The following EP300 variants were observed in gnomAD, a reference collection of about 807,000 sequenced individuals.
EP300 encodes the protein EP300 lysine acetyltransferase, also known as histone acetyltransferase p300.
In EP300, 31 loss-of-function variants were observed where a neutral mutation model predicts 264.0. The ratio of observed to expected loss-of-function variants is 0.12; its 90% CI spans 0.09 to 0.16. EP300 has a LOEUF of 0.16. Among genes scored for constraint, EP300 ranks in the 10% least tolerant of loss-of-function variants. EP300 has a pLI of 1.00. For missense variants in EP300, 2,766 were observed against 3,052.9 expected, an observed-to-expected ratio of 0.91 and a Z score of 2.21; for synonymous variants, 1,340 against 1,045.4, an observed-to-expected ratio of 1.28 and a Z score of -5.44.
At chr22:41,094,599 C>T (rs982910924) in intron 1 of EP300, among the ~76,000 whole-genome samples, 6 of 152,136 alleles carry the variant, frequency 3.9e-5, no homozygotes, top group African/African-American at 1.2e-4. Flanking sequence ...AGAATTCATA[C>T]ACATACACAA....
At chr22:41,173,510 G>A in intron 28 of EP300, 113 bp from the exon 29 acceptor site, 1 of 1,116,584 alleles carries the variant, frequency 9.0e-7, no homozygotes, top group South Asian at 1.4e-5. Context: ...AGTAAAATAA[G>A]TTACAGGCAT....
At chr22:41,125,802 A>G in intron 2 of EP300, 62 bp from the exon 3 acceptor site, 4 of 1,536,092 alleles carry the variant, frequency 2.6e-6, no homozygotes, top group South Asian at 1.1e-5. Flanking sequence ...GAAATCAGAA[A>G]AGGAATAATA....
intron 23 of EP300, among the ~76,000 whole-genome samples, chr22:41,167,572 GTGTGTGTGTGTGTATATATATATA>G (rs1248306693): frequency 5.0e-4 from 48 of 95,480 alleles, no homozygotes; most frequent in African/African-American, 2.6e-3. Flanking sequence ...GTGTGTGTGT[GTGTGTGTGTGTGTATATATATATA>G]TATATATATA....
In EP300 at chr22:41,127,532, C is replaced by G. The variant is rs762647727; in HGVS notation, c.952C>G (p.Pro318Ala). Residue 318 changes from proline (P) to alanine (A), a missense_variant, in exon 4 of 31, where the codon CCA (proline) becomes GCA (alanine). Coordinates refer to ENST00000263253, the MANE Select transcript of EP300 (RefSeq NM_001429.4). The part of the protein sequence containing the change: ...PQVQQPGLVT[P>A]VAQGMGSGAH... ...GGTCCAGCAGCCAGGCCTGGTGACT[C>G]CAGTTGCCCAAGGGATGGGTTCTGG... 2.9e-5 allele frequency: 47 copies of G among 1,614,086 alleles called. No homozygotes were observed. The Middle Eastern group carries it at 1.3e-3, about 45-fold the overall frequency.
Position 41,176,270 on chromosome 22 carries a change from T to G in EP300, c.4803T>G (p.Ile1601Met). The G allele has an allele frequency of 6.2e-7, 1 of 1,614,158 alleles. No homozygotes were observed. Among genetic ancestry groups the G allele is most frequent in the Non-Finnish European group, 8.5e-7 (1 of 1,180,028 alleles). ...HKEVFFVIRL[I>M]AGPAANSLPP... Reference sequence around the variant, plus strand: ...AGGTCTTCTTTGTGATCCGCCTCATTGCTGGCCCTGCTGCCAACTCCCTGC... The same window carrying G: ...AGGTCTTCTTTGTGATCCGCCTCATGGCTGGCCCTGCTGCCAACTCCCTGC... The change falls in exon 30 of 31, where the codon ATT becomes ATG. Residue 1601 changes from isoleucine (I) to methionine (M), a missense_variant. Coordinates refer to ENST00000263253, the MANE Select transcript of EP300 (RefSeq NM_001429.4).
intron 2 of EP300, among the ~76,000 whole-genome samples, chr22:41,120,188 T>C (rs2058844563): frequency 6.6e-6 from 1 of 152,190 alleles, no homozygotes; most frequent in East Asian, 1.9e-4. Flanking sequence ...TTTAAATGTT[T>C]AATAAATTTA....
intron 28 of EP300, 53 bp from the exon 29 acceptor site, chr22:41,173,570 C>T (rs1390438855): frequency 6.3e-7 from 1 of 1,595,348 alleles, no homozygotes; most frequent in Non-Finnish European, 8.6e-7. Context: ...GTGCTATTCC[C>T]AAATTACTTA....
intron 19 of EP300, chr22:41,159,344 CTTTTTCTT>C (rs1266936901): frequency 6.6e-6 from 1 of 152,148 alleles, no homozygotes; most frequent in Non-Finnish European, 1.5e-5. Context: ...GTCACTTAAA[CTTTTTCTT>C]TTATTTACAA....
intron 16 of EP300, 86 bp from the exon 17 acceptor site, chr22:41,154,909 T>A: frequency 1.1e-6 from 1 of 902,528 alleles, no homozygotes; most frequent in South Asian, 1.3e-5. Flanking sequence ...ATTCTTGAGA[T>A]GCTTTTAGAG....
chr22:41,157,933 T>G (rs1325112685), intron 18 of EP300, among the ~76,000 whole-genome samples: 1 of 152,196 alleles, frequency 6.6e-6, no homozygotes, highest in African/African-American at 2.4e-5. Context: ...GTTGACTAAT[T>G]AAATAATCAA....
chr22:41,127,423 C>G, intron 3 of EP300, 64 bp from the exon 4 acceptor site: 1 of 1,594,998 alleles, frequency 6.3e-7, no homozygotes, highest in Non-Finnish European at 8.6e-7. Context: ...ATATCCACAT[C>G]TCTATTTATT....
chr22:41,121,308 T>G (rs934409426), intron 2 of EP300, among the ~76,000 whole-genome samples: 2 of 152,208 alleles, frequency 1.3e-5, no homozygotes, highest in Non-Finnish European at 2.9e-5. Context: ...GCATATTAGC[T>G]ATGGAGAAAG....
In EP300 at chr22:41,146,110, C is replaced by G. The variant is rs17002312; in HGVS notation, c.2054-629C>G. 9.8e-3 allele frequency among the ~76,000 whole-genome samples: 1,491 copies of G among 151,764 alleles called. 29 individuals are homozygous for G. The highest frequency in any genetic ancestry group is 0.034 in the African/African-American group (1,412 of 41,396). On this transcript the variant is annotated intron_variant, in intron 10 of 30. Transcript: ENST00000263253. ...TCCATGGAGATACTCTGTTGCATGC[C>G]AACCAGACTCAGACTTTGTTAAACA...
intron 5 of EP300, 115 bp from the exon 6 acceptor site, chr22:41,131,273 C>A: frequency 8.5e-7 from 1 of 1,172,718 alleles, no homozygotes; most frequent in Non-Finnish European, 1.3e-6. Flanking sequence ...GATCCACATA[C>A]TCAGATGTTT....
At chr22:41,116,478 C>T (rs1032356496) in intron 1 of EP300, among the ~76,000 whole-genome samples, 1 of 152,094 alleles carries the variant, frequency 6.6e-6, no homozygotes, top group Non-Finnish European at 1.5e-5. Flanking sequence ...TTTTCTTTTC[C>T]TATGTTTTCT....
rs2145737158 is a variant in EP300, at chr22:41,149,822, G to A, written c.2441G>A (p.Gly814Glu). Residue 814 changes from glycine (G) to glutamate (E), a missense_variant, in exon 14 of 31, where the codon GGG (glycine) becomes GAG (glutamate). Physicochemically the swap from Gly to Glu is moderately conservative, Grantham distance 98. Transcript: ENST00000263253. ...CCTATAATGCCTCCAGGGTCTCAGG[G>A]GAGCCACATTCACTGTCCCCAGCTT... is the stretch of plus-strand genomic sequence containing the variant. ...NSPIMPPGSQGSHIHCPQLPQ... is the reference protein window; with the variant it reads ...NSPIMPPGSQESHIHCPQLPQ... The A allele has an allele frequency of 6.2e-7, 1 of 1,613,900 alleles. No individual in the cohort carries two copies. Among genetic ancestry groups the A allele is most frequent in the Non-Finnish European group, 8.5e-7 (1 of 1,179,990 alleles).
chr22:41,158,566 G>T, intron 19 of EP300, 66 bp downstream of exon 19: 1 of 1,252,008 alleles, frequency 8.0e-7, no homozygotes. Context: ...ATGCGGATGG[G>T]CCAGCACACA....
In EP300 at chr22:41,179,227, A is replaced by C. The variant is rs1249007891; in HGVS notation, c.*271A>C. On this transcript the variant is annotated 3_prime_UTR_variant, in exon 31 of 31. Transcript: ENST00000263253. ...TGTGGTTCAAGTGTGCACTGGGAGG[A>C]GGCTGAGGCCTGTGAAGCCAAACAA... The C allele has an allele frequency of 2.1e-6, 1 of 470,562 alleles. No individual in the cohort carries two copies. The highest frequency in any genetic ancestry group is 1.9e-5 in the African/African-American group (1 of 51,900). 29.1% of individuals were successfully genotyped at this position (470,562 alleles called of 1,614,324 possible). A position where few individuals can be genotyped will look rare whatever the true frequency, so the allele number is the denominator to read the frequency against.
rs2059082713 is a variant in EP300, at chr22:41,157,276, T to C, written c.3369T>C (p.Leu1123=). Residue 1123 remains leucine (L), a synonymous_variant, in exon 18 of 31, where the codon CTT becomes CTC. Coordinates refer to ENST00000263253, the MANE Select transcript of EP300 (RefSeq NM_001429.4). Reference sequence around the variant, plus strand: ...GGCAGTATGTCGATGATATTTGGCTTATGTTCAATAATGCCTGGTTATATA... The same window carrying C: ...GGCAGTATGTCGATGATATTTGGCTCATGTTCAATAATGCCTGGTTATATA... ...EPWQYVDDIW[L]MFNNAWLYNR... The C allele has an allele frequency of 6.2e-7, 1 of 1,614,066 alleles. No individual in the cohort carries two copies. The highest frequency in any genetic ancestry group is 1.1e-5 in the South Asian group (1 of 91,086).
Sources: allele counts gnomAD v4.1 joint callset (sites outside exome capture counted in the v4.1 genomes callset), GRCh38; gene constraint gnomAD v4.1.1; transcripts MANE v1.5; gene names NCBI Gene and HGNC (gene_info 2026-07-23, HGNC 2026-07-21).